Variants in UNC79 observed in about 807,000 individuals in gnomAD.
UNC79 encodes unc-79 subunit of NALCN channel complex.
In UNC79, 37 loss-of-function variants were observed where a neutral mutation model predicts 283.1. The ratio of observed to expected loss-of-function variants is 0.13; its 90% CI spans 0.10 to 0.17. UNC79 has a LOEUF of 0.17. Among genes scored for constraint, UNC79 ranks in the 10% least tolerant of loss-of-function variants. The pLI, the probability that UNC79 is intolerant of heterozygous loss-of-function variation, is 1.00. For synonymous variants in UNC79, 1,107 were observed against 1,200.2 expected, an observed-to-expected ratio of 0.92 and a Z score of 1.61; for missense variants, 2,272 against 3,211.1, an observed-to-expected ratio of 0.71 and a Z score of 7.07.
At position 93,467,663 on chromosome 14, in the gene UNC79, T is replaced by TTTTTTTTA; in HGVS notation, c.23-7_23-6insTTTTTTAT. 2.4e-6 allele frequency: 3 copies of TTTTTTTTA among 1,251,870 alleles called. No individual in the cohort carries two copies. Among genetic ancestry groups the TTTTTTTTA allele is most frequent in the African/African-American group, 1.8e-5 (1 of 54,348 alleles). 77.5% of individuals were successfully genotyped at this position (1,251,870 alleles called of 1,614,324 possible). A position where few individuals can be genotyped will look rare whatever the true frequency, so the allele number is the denominator to read the frequency against. ...TTTTTTTTTTTTTTTTTTTTTGCTTTTATCTAGTTGCTTCCAAGATCCGGT... is the reference window on the plus strand; with the variant it reads ...TTTTTTTTTTTTTTTTTTTTTGCTTTTTTTTTTATATCTAGTTGCTTCCAAGATCCGGT... On this transcript the variant is annotated splice_region_variant and splice_polypyrimidine_tract_variant and intron_variant, in intron 1 of 48. Transcript: ENST00000555664.
rs1285223702 is a variant in UNC79, at chr14:93,531,234, C to G, written c.1094-1316C>G. 6.6e-6 allele frequency among the ~76,000 whole-genome samples: 1 copy of G among 152,110 alleles called. No homozygotes were observed. The highest frequency in any genetic ancestry group is 1.5e-5 in the Non-Finnish European group (1 of 68,016). ...GATAAACTCTAGGATATCAAACTGT[C>G]AAGTAACCATTAATTATACAAAACC... On this transcript the variant is annotated intron_variant, in intron 10 of 48. Coordinates refer to ENST00000555664, the Ensembl canonical transcript of UNC79. This position sits in a 1 kb window ranked among gnomAD's most constrained non-coding sequence, Gnocchi z 4.2.
intron 30 of UNC79, among the ~76,000 whole-genome samples, chr14:93,629,574 T>G (rs1216350471): frequency 6.6e-6 from 1 of 152,212 alleles, no homozygotes; most frequent in Non-Finnish European, 1.5e-5. Flanking sequence ...TTGAAAGGCC[T>G]CTGAGAATCA....
At chr14:93,377,296 A>G (rs1337563064) in intron 1 of UNC79, among the ~76,000 whole-genome samples, 1 of 151,946 alleles carries the variant, frequency 6.6e-6, no homozygotes, top group Admixed American at 6.6e-5. Context: ...GGGTTTCACC[A>G]TGTTAGCCAG....
intron 4 of UNC79, among the ~76,000 whole-genome samples, chr14:93,479,359 G>A (rs2057998513): frequency 6.6e-6 from 1 of 151,846 alleles, no homozygotes; most frequent in Non-Finnish European, 1.5e-5. Context: ...GTGCAGTGGT[G>A]CAGTTTTGGC....
intron 1 of UNC79, among the ~76,000 whole-genome samples, chr14:93,357,966 C>T (rs1194213993): frequency 3.3e-4 from 33 of 101,394 alleles, no homozygotes; most frequent in Non-Finnish European, 4.7e-4. Flanking sequence ...TATATATATC[C>T]ATATATATAG....
At chr14:93,622,944 A>C in intron 30 of UNC79, 103 bp downstream of exon 32, 4 of 1,428,876 alleles carry the variant, frequency 2.8e-6, no homozygotes, top group Non-Finnish European at 2.8e-6. Flanking sequence ...AACTCTTATA[A>C]TGTCAGGGTG....
chr14:93,445,426 C>T (rs1317030651), intron 1 of UNC79, among the ~76,000 whole-genome samples: 1 of 152,138 alleles, frequency 6.6e-6, no homozygotes, highest in African/African-American at 2.4e-5. Context: ...AATGTTAGAC[C>T]AACCTTGCAT....
At chr14:93,509,812 A>G (rs1237101160) in intron 7 of UNC79, among the ~76,000 whole-genome samples, 1 of 152,124 alleles carries the variant, frequency 6.6e-6, no homozygotes, top group Non-Finnish European at 1.5e-5. Context: ...TGGATCTACC[A>G]TTCTGGGGTC....
chr14:93,667,081 G>A (rs2072284040), intron 40 of UNC79, among the ~76,000 whole-genome samples: 1 of 151,654 alleles, frequency 6.6e-6, no homozygotes, highest in South Asian at 2.1e-4. Context: ...CTCTAGGCTA[G>A]GTGACAGAGC....
At chr14:93,616,081 C>A (rs1033954661) in intron 27 of UNC79, among the ~76,000 whole-genome samples, 7 of 151,996 alleles carry the variant, frequency 4.6e-5, no homozygotes, top group South Asian at 2.1e-4. Context: ...TTTGGTGCAA[C>A]CTTTTTAAAC....
intron 1 of UNC79, among the ~76,000 whole-genome samples, chr14:93,448,460 A>G (rs894738888): frequency 6.6e-6 from 1 of 152,184 alleles, no homozygotes; most frequent in Admixed American, 6.5e-5. Flanking sequence ...AGTTTTAGCA[A>G]TTCATTAAAA....
intron 24 of UNC79, among the ~76,000 whole-genome samples, chr14:93,599,959 T>G (rs1007058104): frequency 1.3e-5 from 2 of 152,182 alleles, no homozygotes; most frequent in East Asian, 3.8e-4. Context: ...CCCAGCACTT[T>G]GGGAGGCCAA....
At chr14:93,493,501 C>T (rs1316206906) in intron 5 of UNC79, among the ~76,000 whole-genome samples, 1 of 152,136 alleles carries the variant, frequency 6.6e-6, no homozygotes, top group Non-Finnish European at 1.5e-5. Flanking sequence ...GAGGTCATTG[C>T]ATTTGCGTAA....
chr14:93,427,442 T>C (rs2055756690), upstream of UNC79, among the ~76,000 whole-genome samples: 1 of 152,100 alleles, frequency 6.6e-6, no homozygotes, highest in African/African-American at 2.4e-5. Flanking sequence ...ACATGTAAAA[T>C]AATATATGTT....
At chr14:93,436,743 G>C (rs1311148607) in intron 1 of UNC79, among the ~76,000 whole-genome samples, 1 of 152,100 alleles carries the variant, frequency 6.6e-6, no homozygotes, top group Non-Finnish European at 1.5e-5. Context: ...ATCAAAAAGT[G>C]CATTAAGCAA....
chr14:93,466,994 A>T (rs2057215609), intron 1 of UNC79: 1 of 779,000 alleles, frequency 1.3e-6, no homozygotes, highest in Non-Finnish European at 1.6e-6. Flanking sequence ...GAAGTCTCCT[A>T]ATTTATGAGA....
At chr14:93,659,207 C>T in exon 39 of UNC79, 2 of 1,609,636 alleles carry the variant, frequency 1.2e-6, no homozygotes, top group South Asian at 1.1e-5. Context: ...CTTTAGATTC[C>T]AGTTTAAGAA....
At chr14:93,500,482 G>A (rs751080267) in intron 7 of UNC79, among the ~76,000 whole-genome samples, 9 of 152,128 alleles carry the variant, frequency 5.9e-5, no homozygotes, top group Non-Finnish European at 1.2e-4. Flanking sequence ...AAATCATTCC[G>A]GTCTATAGAT....
chr14:93,538,195 C>A (rs1397363655), exon 12 of UNC79: 2 of 1,605,766 alleles, frequency 1.2e-6, no homozygotes, highest in South Asian at 2.2e-5. Context: ...AGGAGCTGGT[C>A]TGCGCCGTGG....
Sources: allele counts gnomAD v4.1 joint callset (sites outside exome capture counted in the v4.1 genomes callset), GRCh38; gene constraint gnomAD v4.1.1; non-coding constraint Gnocchi (gnomAD v3.1); transcripts MANE v1.5; gene names NCBI Gene and HGNC (gene_info 2026-07-23, HGNC 2026-07-21).